The following TMEM175 variants were observed in gnomAD, a reference collection of about 807,000 sequenced individuals.
The protein encoded by TMEM175 is transmembrane protein 175.
In TMEM175, 36 loss-of-function variants were observed where a neutral mutation model predicts 36.5. The ratio of observed to expected loss-of-function variants is 0.99; its 90% CI spans 0.76 to 1.30. The LOEUF is 1.30. Ranked by LOEUF, TMEM175 falls within the 50% of genes most tolerant of loss-of-function variation. The pLI is 0.00. For missense variants in TMEM175, 705 were observed against 692.8 expected (o/e 1.02, Z -0.20); for synonymous variants, 339 against 313.4 (o/e 1.08, Z -0.86).
rs757299753 is a variant in TMEM175 at position 955,854 on chromosome 4, A to G, written c.806A>G (p.Tyr269Cys). Residue 269 changes from tyrosine (Y) to cysteine (C), a missense_variant, in exon 10 of 11, where the codon TAC (tyrosine) becomes TGC (cysteine). By Grantham distance (194) the Tyr-to-Cys change is radical. Coordinates refer to ENST00000264771, the MANE Select transcript of TMEM175 (RefSeq NM_032326.4). ...GTGGAAGCCTTCAGCGACGGAGTCT[A>G]CGCCATCGTGGCCACGCTTCTCATC... ...ERVEAFSDGV[Y>C]AIVATLLILD... The G allele has an allele frequency of 1.2e-6, 2 of 1,613,980 alleles. No homozygotes were observed. The highest frequency in any genetic ancestry group is 4.5e-5 in the East Asian group (2 of 44,876).
At chr4:952,140 C>T (rs969323981) in intron 6 of TMEM175, among the ~76,000 whole-genome samples, 32 of 152,338 alleles carry the variant, frequency 2.1e-4, no homozygotes, top group African/African-American at 5.5e-4. Context: ...CCGTATGAAT[C>T]GGATGACATT....
chr4:952,292 C>CATGGCCCA, intron 6 of TMEM175, 75 bp from the exon 7 acceptor site: 4 of 1,364,956 alleles, frequency 2.9e-6, no homozygotes, highest in Non-Finnish European at 4.1e-6. Flanking sequence ...GGAGGCTCAC[C>CATGGCCCA]ATGGCCCAGT....
intron 1 of TMEM175, among the ~76,000 whole-genome samples, chr4:940,490 G>A (rs1007059856): frequency 5.3e-5 from 8 of 150,582 alleles, no homozygotes; most frequent in African/African-American, 1.7e-4. Flanking sequence ...TAGGGGTTCA[G>A]GAAGAAAGAG....
intron 1 of TMEM175, among the ~76,000 whole-genome samples, chr4:939,579 G>C (rs927013937): frequency 2.0e-5 from 3 of 152,134 alleles, no homozygotes; most frequent in South Asian, 2.1e-4. Context: ...AGCTGGGCGT[G>C]GGGGTGAGTG....
At chr4:950,851 C>T (rs954156172) in intron 4 of TMEM175, among the ~76,000 whole-genome samples, 5 of 134,940 alleles carry the variant, frequency 3.7e-5, no homozygotes, top group African/African-American at 1.1e-4. Flanking sequence ...GTGCAGTAGG[C>T]GGAGGTGTGG....
intron 1 of TMEM175, among the ~76,000 whole-genome samples, chr4:946,869 G>GCCGAGA (rs1560482208): frequency 1.4e-5 from 2 of 146,964 alleles, no homozygotes; most frequent in Admixed American, 1.3e-4. Flanking sequence ...GTGCACAGGC[G>GCCGAGA]CCGAGACCGA....
intron 1 of TMEM175, among the ~76,000 whole-genome samples, chr4:939,807 A>G (rs998610776): frequency 6.6e-6 from 1 of 152,276 alleles, no homozygotes; most frequent in Non-Finnish European, 1.5e-5. Flanking sequence ...ATCTAAAACT[A>G]TAAAACTCAT....
chr4:937,215 G>A (rs893240304), intron 1 of TMEM175, among the ~76,000 whole-genome samples: 20 of 152,058 alleles, frequency 1.3e-4, no homozygotes, highest in Non-Finnish European at 5.9e-5. Context: ...AACCTAAATA[G>A]CTCTATGTCT....
intron 1 of TMEM175, among the ~76,000 whole-genome samples, chr4:937,537 T>C (rs1726931804): frequency 6.6e-6 from 1 of 152,156 alleles, no homozygotes. Context: ...CACTCCAACC[T>C]GGACAACAAG....
At chr4:957,162 C>G (rs987891890) in intron 10 of TMEM175, among the ~76,000 whole-genome samples, 1 of 152,206 alleles carries the variant, frequency 6.6e-6, no homozygotes, top group African/African-American at 2.4e-5. Flanking sequence ...TCTCCTGCCC[C>G]CAACCCCCAC....
At chr4:938,752 A>G (rs1045861715) in intron 1 of TMEM175, among the ~76,000 whole-genome samples, 2 of 152,226 alleles carry the variant, frequency 1.3e-5, no homozygotes, top group Non-Finnish European at 2.9e-5. Context: ...AGAGAAATTA[A>G]AGCCCATAAT....
intron 4 of TMEM175, 64 bp downstream of exon 4, chr4:950,582 A>C: frequency 2.5e-6 from 3 of 1,221,108 alleles, no homozygotes; most frequent in African/African-American, 1.5e-5. Context: ...CCCGCACCAC[A>C]TCACGCACGG....
intron 3 of TMEM175, among the ~76,000 whole-genome samples, chr4:949,983 G>A (rs1728658398): frequency 6.6e-6 from 1 of 152,142 alleles, no homozygotes; most frequent in Non-Finnish European, 1.5e-5. Flanking sequence ...AATGACATTC[G>A]TGACCTGGTG....
chr4:955,451 A>G lies in TMEM175; in HGVS notation c.674A>G (p.Lys225Arg). 6.2e-7 allele frequency: 1 copy of G among 1,614,160 alleles called. No homozygotes were observed. The highest frequency in any genetic ancestry group is 8.5e-7 in the Non-Finnish European group (1 of 1,180,008). ...GTCATCCTCCTCCCCTATGTCAGCA[A>G]GGTCACCGGCTGGTGCAGAGACAGG... is the stretch of plus-strand genomic sequence containing the variant. ...VTVILLPYVS[K>R]VTGWCRDRLL... The change falls in exon 9 of 11, where the codon AAG (lysine) becomes AGG (arginine). Residue 225 changes from lysine to arginine, a missense_variant. By Grantham distance (26) the Lys-to-Arg change is conservative. Coordinates refer to ENST00000264771, the MANE Select transcript of TMEM175 (RefSeq NM_032326.4).
Position 947,843 on chromosome 4 carries a change from G to T in TMEM175, c.104G>T (p.Arg35Leu). 2 of 1,613,480 alleles carry T rather than the reference G, an allele frequency of 1.2e-6. No homozygotes were observed. Among genetic ancestry groups the T allele is most frequent in the Non-Finnish European group, 1.7e-6 (2 of 1,180,012 alleles). ...GGGGAGGGGATCCAGTGCTCCCAAC[G>T]CATGCTCAGCTTCAGTGACGCCCTG... Reference protein sequence around the residue: ...DAGEGIQCSQRMLSFSDALLS... With the variant: ...DAGEGIQCSQLMLSFSDALLS... Residue 35 changes from arginine (R) to leucine (L), a missense_variant, in exon 2 of 11, where the codon CGC becomes CTC. Arg to Leu is a moderately radical substitution (Grantham distance 102). Transcript: ENST00000264771.
chr4:948,494 C>T (rs970220107), intron 3 of TMEM175: 142 of 1,423,198 alleles, frequency 1.0e-4, no homozygotes, highest in Middle Eastern at 9.1e-4. Flanking sequence ...ACAGAAGTTT[C>T]CTCTGCGGGA....
chr4:948,569 G>T, intron 3 of TMEM175: 1 of 1,323,808 alleles, frequency 7.6e-7, no homozygotes, highest in Non-Finnish European at 9.9e-7. Flanking sequence ...CCAGCGCCCC[G>T]TCTCAGCGGG....
chr4:942,184 G>C lies in TMEM175; in HGVS notation c.-31-5525G>C, dbSNP rs116126259. Reference sequence around the variant, plus strand: ...AGCGATTCTCCTGCCTCAGCCTCTCGAGTAGCTGAGTAGCTGGGACTACAG... The same window carrying C: ...AGCGATTCTCCTGCCTCAGCCTCTCCAGTAGCTGAGTAGCTGGGACTACAG... On this transcript the variant is annotated intron_variant, in intron 1 of 10. Transcript: ENST00000264771. Among the ~76,000 whole-genome samples the C allele has an allele frequency of 3.0e-3, 458 of 151,544 alleles. 2 individuals are homozygous for C. The highest frequency in any genetic ancestry group is 5.1e-3 in the Non-Finnish European group (345 of 67,860).
intron 5 of TMEM175, 126 bp from the exon 6 acceptor site, chr4:951,556 T>A: frequency 8.0e-7 from 1 of 1,257,080 alleles, no homozygotes; most frequent in African/African-American, 1.5e-5. Flanking sequence ...GGGGCTGGAC[T>A]CACACTCGCT....
Sources: gnomAD v4.1 joint callset for allele counts (sites outside exome capture counted in the v4.1 genomes callset) on GRCh38, gnomAD v4.1.1 for gene constraint, MANE v1.5 for transcripts, NCBI Gene and HGNC (gene_info 2026-07-23, HGNC 2026-07-21) for gene names.